CAST: variants seen among roughly 807,000 people sequenced by gnomAD.
CAST encodes calpastatin, also known as MIR583 host.
A neutral mutation model predicts 119.6 loss-of-function variants in CAST; 76 were observed. The ratio of observed to expected loss-of-function variants is 0.64; its 90% confidence interval spans 0.53 to 0.77. The LOEUF (loss-of-function observed/expected upper bound fraction) is 0.77. Among genes scored for constraint, CAST ranks in the 30% least tolerant of loss-of-function variants. The pLI, the probability that CAST is intolerant of heterozygous loss-of-function variation, is 0.00. For missense variants in CAST, 953 were observed against 946.5 expected, an observed-to-expected ratio of 1.01 and a Z score of -0.09; for synonymous variants, 319 against 331.6, an observed-to-expected ratio of 0.96 and a Z score of 0.41.
the CAST span, among the ~76,000 whole-genome samples, chr5:96,316,504 ATG>A: frequency 1.1e-4 from 16 of 152,228 alleles, no homozygotes; most frequent in African/African-American, 3.9e-4. Context: ...GATGCAGAGA[ATG>A]TTACCATGGG....
At chr5:96,075,513 A>G in the CAST span, among the ~76,000 whole-genome samples, 10 of 152,156 alleles carry the variant, frequency 6.6e-5, no homozygotes, top group African/African-American at 2.4e-4. Context: ...CTCGAAACCA[A>G]TTTTTCAGAT....
At chr5:96,017,946 T>C in the CAST span, among the ~76,000 whole-genome samples, 1 of 152,180 alleles carries the variant, frequency 6.6e-6, no homozygotes, top group Non-Finnish European at 1.5e-5. Context: ...CCATCTTGTT[T>C]TGAAAAATCC....
the CAST span, among the ~76,000 whole-genome samples, chr5:96,108,274 C>A: frequency 3.3e-5 from 5 of 152,202 alleles, no homozygotes; most frequent in Admixed American, 6.5e-5. Context: ...TGAGGAACTG[C>A]GTTCCTTTGG....
At chr5:96,443,975 A>G in the CAST span, among the ~76,000 whole-genome samples, 5 of 152,354 alleles carry the variant, frequency 3.3e-5, no homozygotes, top group East Asian at 7.7e-4. Flanking sequence ...TTTTTCCAGC[A>G]TCTAATAACA....
At chr5:96,362,543 G>A in the CAST span, among the ~76,000 whole-genome samples, 4 of 152,142 alleles carry the variant, frequency 2.6e-5, no homozygotes, top group East Asian at 5.8e-4. Context: ...GTGTGAGATG[G>A]TATCTCATTG....
At chr5:95,961,737 G>A in the CAST span, 15 of 1,588,594 alleles carry the variant, frequency 9.4e-6, no homozygotes, top group African/African-American at 6.9e-5. Flanking sequence ...ACTCCCCGGG[G>A]TGCCGCCGCC....
intron 10 of CAST, among the ~76,000 whole-genome samples, chr5:96,737,505 A>G (rs1384221976): frequency 1.3e-5 from 2 of 152,098 alleles, no homozygotes; most frequent in African/African-American, 4.8e-5. Flanking sequence ...AATTCCCTGT[A>G]TTTTGTTTTG....
chr5:96,479,477 G>A, the CAST span, among the ~76,000 whole-genome samples: 1 of 141,990 alleles, frequency 7.0e-6, no homozygotes, highest in African/African-American at 2.7e-5. Context: ...TTGAGATGGA[G>A]TCTTGCTATG....
intron 3 of CAST, among the ~76,000 whole-genome samples, chr5:96,704,659 C>T (rs893255997): frequency 3.3e-5 from 5 of 152,100 alleles, no homozygotes; most frequent in Non-Finnish European, 5.9e-5. Context: ...TTTCATTATA[C>T]CTTATAATTC....
the CAST span, among the ~76,000 whole-genome samples, chr5:96,402,533 G>A: frequency 1.3e-5 from 2 of 151,964 alleles, no homozygotes; most frequent in African/African-American, 2.4e-5. Context: ...GTCCCTCCCC[G>A]CCTCACACCT....
chr5:96,405,739 C>T, the CAST span, among the ~76,000 whole-genome samples: 2 of 152,134 alleles, frequency 1.3e-5, no homozygotes, highest in Non-Finnish European at 2.9e-5. Flanking sequence ...GAAAAAGAAG[C>T]CTTGAGGTTT....
the CAST span, among the ~76,000 whole-genome samples, chr5:96,238,357 T>TCTTCTCCTTCTTCTC: frequency 6.3e-5 from 5 of 79,594 alleles, no homozygotes; most frequent in African/African-American, 1.2e-4. Flanking sequence ...ATCTTCATCT[T>TCTTCTCCTTCTTCTC]CTTCTTCTCC....
the CAST span, among the ~76,000 whole-genome samples, chr5:96,200,291 A>G: frequency 6.6e-6 from 1 of 152,170 alleles, no homozygotes; most frequent in Non-Finnish European, 1.5e-5. Context: ...GAAGGAAGAA[A>G]GCAGTAGATG....
At chr5:96,702,457 C>A (rs1754031218) in intron 3 of CAST, among the ~76,000 whole-genome samples, 1 of 152,104 alleles carries the variant, frequency 6.6e-6, no homozygotes, top group South Asian at 2.1e-4. Context: ...TTTGCAAATC[C>A]CTGGTTGTAG....
At chr5:96,144,802 G>A in the CAST span, among the ~76,000 whole-genome samples, 1 of 151,846 alleles carries the variant, frequency 6.6e-6, no homozygotes, top group East Asian at 1.9e-4. Context: ...TCAGCCTCCT[G>A]AGTAGCTGGG....
the CAST span, among the ~76,000 whole-genome samples, chr5:95,998,193 T>C: frequency 7.9e-5 from 12 of 152,062 alleles, no homozygotes; most frequent in Non-Finnish European, 1.8e-4. Context: ...GTACATTTTT[T>C]GGTTATTTTC....
the CAST span, among the ~76,000 whole-genome samples, chr5:96,144,833 T>C: frequency 5.3e-5 from 8 of 152,004 alleles, 1 homozygote; most frequent in South Asian, 1.2e-3. Flanking sequence ...CGCACCACCA[T>C]GCCCAGCTAA....
At chr5:96,698,320 A>G (rs1334525418) in intron 3 of CAST, among the ~76,000 whole-genome samples, 1 of 152,230 alleles carries the variant, frequency 6.6e-6, no homozygotes, top group Non-Finnish European at 1.5e-5. Flanking sequence ...ATAACTGGGA[A>G]GTGGAGATGA....
chr5:96,405,898 G>T, the CAST span, among the ~76,000 whole-genome samples: 7 of 152,184 alleles, frequency 4.6e-5, no homozygotes, highest in African/African-American at 1.4e-4. Context: ...TCTGACAGGT[G>T]TTGGATAGAG....
Sources: gnomAD v4.1 joint callset for allele counts (sites outside exome capture counted in the v4.1 genomes callset) on GRCh38, gnomAD v4.1.1 for gene constraint, MANE v1.5 for transcripts, NCBI Gene and HGNC (gene_info 2026-07-23, HGNC 2026-07-21) for gene names.